Variants in PIEZO2 observed in about 807,000 individuals in gnomAD.
PIEZO2 encodes piezo-type mechanosensitive ion channel component 2.
Under a neutral mutation model 337.3 loss-of-function variants are expected in PIEZO2, and 172 were observed. The observed-to-expected ratio is 0.51, with a 90% confidence interval of 0.45 to 0.58. The LOEUF (loss-of-function observed/expected upper bound fraction) is 0.58. Ranked by LOEUF, PIEZO2 falls within the 20% of genes least tolerant of loss-of-function variation. The probability of loss-of-function intolerance (pLI) is 0.00; values close to 1 mark genes in which losing one functional copy is unlikely to be tolerated. For missense variants in PIEZO2, 3,028 were observed against 3,391.3 expected (o/e 0.89, Z 2.66); for synonymous variants, 1,251 against 1,228.5 (o/e 1.02, Z -0.38).
In PIEZO2 at chr18:10,979,129, C is replaced by G. The variant is rs188658227; in HGVS notation, c.286+406G>C. ...TTGTTCTTTGTAATAGGATTAATGT[C>G]ATAGTCATGTAATTTCATATAATAT... On this transcript the variant is annotated intron_variant, in intron 3 of 55. Coordinates refer to ENST00000674853, the MANE Select transcript of PIEZO2 (RefSeq NM_001378183.1). This position sits in a 1 kb window ranked among gnomAD's most constrained non-coding sequence, Gnocchi z 4.0. Among the ~76,000 whole-genome samples, 6 of 151,728 alleles carry G rather than the reference C, an allele frequency of 4.0e-5. No homozygotes were observed. Among genetic ancestry groups the G allele is most frequent in the Admixed American group, 3.3e-4 (5 of 15,230 alleles).
Position 10,820,584 on chromosome 18 carries a change from T to G in PIEZO2, c.918-13310A>C, listed in dbSNP as rs139840959. Among the ~76,000 whole-genome samples, 253 of 152,338 alleles carry G rather than the reference T, an allele frequency of 1.7e-3. 2 individuals carry two copies. The highest frequency in any genetic ancestry group is 5.7e-3 in the African/African-American group (238 of 41,582). ...TCATTATGTCCATTTTCTGTAATCTTGAAAATATTTTAAAAAGCTGTTTTA... is the reference window on the plus strand; with the variant it reads ...TCATTATGTCCATTTTCTGTAATCTGGAAAATATTTTAAAAAGCTGTTTTA... On this transcript the variant is annotated intron_variant, in intron 7 of 55. Transcript: ENST00000674853.
At chr18:10,675,577 T>G (rs1482732134) in intron 53 of PIEZO2, among the ~76,000 whole-genome samples, 3 of 152,258 alleles carry the variant, frequency 2.0e-5, no homozygotes, top group Non-Finnish European at 4.4e-5. Flanking sequence ...AGCTTGTTTC[T>G]GAAGCCAAGG....
At chr18:10,995,917 A>G (rs1211013473) in intron 2 of PIEZO2, among the ~76,000 whole-genome samples, 1 of 152,170 alleles carries the variant, frequency 6.6e-6, no homozygotes, top group Non-Finnish European at 1.5e-5. Flanking sequence ...CTCAGGAAAA[A>G]CATGTGATTG....
intron 3 of PIEZO2, among the ~76,000 whole-genome samples, chr18:10,921,678 C>A (rs1323691678): frequency 6.6e-6 from 1 of 152,124 alleles, no homozygotes; most frequent in African/African-American, 2.4e-5. Flanking sequence ...TGAGAGAGAT[C>A]ACCTTAAACT....
At chr18:10,772,052 T>A (rs552063734) in intron 20 of PIEZO2, among the ~76,000 whole-genome samples, 26 of 152,322 alleles carry the variant, frequency 1.7e-4, no homozygotes, top group African/African-American at 5.8e-4. Flanking sequence ...ATTCTCAATT[T>A]TATTAATAAC....
rs951945612 is a variant in PIEZO2, at chr18:10,715,022, C to T, written c.5257-92G>A. 9 of 1,270,688 alleles carry T rather than the reference C, an allele frequency of 7.1e-6. No homozygotes were observed. The Middle Eastern group carries it at 6.0e-4, about 84-fold the overall frequency. The allele number at this position is 1,270,688 out of a possible 1,614,324, so 78.7% of individuals were successfully genotyped here. On this transcript the variant is annotated intron_variant, in intron 38 of 55. Coordinates refer to ENST00000674853, the MANE Select transcript of PIEZO2 (RefSeq NM_001378183.1). ...CTCAACACAGACAGCTTTTCATACCCATGCATGCCTGGATAAGGATTAGGA... is the reference window on the plus strand; with the variant it reads ...CTCAACACAGACAGCTTTTCATACCTATGCATGCCTGGATAAGGATTAGGA...
chr18:10,697,202 G>C (rs1424172319), intron 45 of PIEZO2, among the ~76,000 whole-genome samples: 1 of 152,068 alleles, frequency 6.6e-6, no homozygotes, highest in African/African-American at 2.4e-5. Context: ...TCAGTTCAAC[G>C]CCACGTTCAG....
In PIEZO2 at chr18:10,775,331, G is replaced by T. The variant is rs2038746193; in HGVS notation, c.2535-1293C>A. Among the ~76,000 whole-genome samples, 1 of 152,118 alleles carries T rather than the reference G, an allele frequency of 6.6e-6. No homozygotes were observed. The highest frequency in any genetic ancestry group is 6.5e-5 in the Admixed American group (1 of 15,290). The stretch of plus-strand genomic sequence containing the variant: ...ACATTTGCTGTTCCTGCTTTGTCAG[G>T]ACTCTCCATGTGAAATGTTATTAAA... On this transcript the variant is annotated intron_variant, in intron 18 of 55. Coordinates refer to ENST00000674853, the MANE Select transcript of PIEZO2 (RefSeq NM_001378183.1). The surrounding 1 kb of genome is among the most constrained non-coding windows in gnomAD (Gnocchi z 4.3).
intron 3 of PIEZO2, among the ~76,000 whole-genome samples, chr18:10,919,308 C>T (rs867132984): frequency 1.4e-4 from 21 of 152,086 alleles, no homozygotes; most frequent in Admixed American, 1.4e-3. Context: ...ATTTCATATA[C>T]TAACTTCCCC....
intron 2 of PIEZO2, among the ~76,000 whole-genome samples, chr18:11,022,431 A>G (rs1029283402): frequency 6.6e-6 from 1 of 152,252 alleles, no homozygotes; most frequent in Non-Finnish European, 1.5e-5. Flanking sequence ...GGGAGGCTTC[A>G]GAAACAGACA....
At position 10,878,630 on chromosome 18, in the gene PIEZO2, T is replaced by A. The variant is rs1310265110; in HGVS notation, c.330-7215A>T. On this transcript the variant is annotated intron_variant, in intron 4 of 55. Transcript: ENST00000674853. This position sits in a 1 kb window ranked among gnomAD's most constrained non-coding sequence, Gnocchi z 4.3. ...CATTAAATGGCTCAATTTGACAGAA[T>A]TTTTAATTCACTAATTCAAAAAAAT... is the stretch of plus-strand genomic sequence containing the variant. Among the ~76,000 whole-genome samples the A allele has an allele frequency of 6.6e-6, 1 of 152,198 alleles. No homozygotes were observed. Among genetic ancestry groups the A allele is most frequent in the African/African-American group, 2.4e-5 (1 of 41,464 alleles).
chr18:10,975,717 G>T (rs2034416588), intron 3 of PIEZO2, among the ~76,000 whole-genome samples: 1 of 152,172 alleles, frequency 6.6e-6, no homozygotes, highest in Admixed American at 6.5e-5. Flanking sequence ...GGGACCTTTT[G>T]CGATAATGAG....
At chr18:11,004,738 A>G (rs2035661375) in intron 2 of PIEZO2, among the ~76,000 whole-genome samples, 1 of 152,218 alleles carries the variant, frequency 6.6e-6, no homozygotes, top group African/African-American at 2.4e-5. Flanking sequence ...TCAAAGGAGG[A>G]AAAAAGCATC....
Position 10,778,374 on chromosome 18 carries a change from C to T in PIEZO2, c.2534+1951G>A, listed in dbSNP as rs1598467145. Among the ~76,000 whole-genome samples, 3 of 147,538 alleles carry T rather than the reference C, an allele frequency of 2.0e-5. 1 individual carries two copies. The South Asian group carries it at 6.4e-4, about 32-fold the overall frequency. On this transcript the variant is annotated intron_variant, in intron 18 of 55. Transcript: ENST00000674853. ...TTTTGAGAGGGAGTCGCTCTGTCGC[C>T]CAGGCTGGAGTGCAGTGGCACCATC...
chr18:11,105,796 G>A lies in PIEZO2; in HGVS notation c.65-39574C>T, dbSNP rs1040601561. 2.6e-5 allele frequency among the ~76,000 whole-genome samples: 4 copies of A among 152,184 alleles called. No individual in the cohort carries two copies. The highest frequency in any genetic ancestry group is 1.9e-4 in the East Asian group (1 of 5,156). On this transcript the variant is annotated intron_variant, in intron 1 of 55. Transcript: ENST00000674853. This position sits in a 1 kb window ranked among gnomAD's most constrained non-coding sequence, Gnocchi z 4.3. ...TATTATAAAAGATAAGCAAAATTACGTTGGACAACAACCAGCAGCACATTT... is the reference window on the plus strand; with the variant it reads ...TATTATAAAAGATAAGCAAAATTACATTGGACAACAACCAGCAGCACATTT...
In PIEZO2 at chr18:10,993,042, T is replaced by C. The variant is rs2035169462; in HGVS notation, c.161-13382A>G. Among the ~76,000 whole-genome samples the C allele has an allele frequency of 6.6e-6, 1 of 152,214 alleles. No homozygotes were observed. Among genetic ancestry groups the C allele is most frequent in the South Asian group, 2.1e-4 (1 of 4,834 alleles). ...TGGCTGTTTGTCTGTTATTGGTGTA[T>C]AGGAATGCTTGTGATTTTTGCACAT... On this transcript the variant is annotated intron_variant, in intron 2 of 55. Transcript: ENST00000674853. The surrounding 1 kb of genome is among the most constrained non-coding windows in gnomAD (Gnocchi z 5.0).
intron 37 of PIEZO2, among the ~76,000 whole-genome samples, 158 bp from the exon 38 acceptor site, chr18:10,715,974 C>T (rs757430079): frequency 2.6e-5 from 4 of 152,292 alleles, no homozygotes; most frequent in Non-Finnish European, 5.9e-5. Flanking sequence ...CGGAGGAGAG[C>T]TGCCATGCAG....
At chr18:10,871,501 C>T in intron 4 of PIEZO2, 86 bp from the exon 5 acceptor site, 1 of 1,261,018 alleles carries the variant, frequency 7.9e-7, no homozygotes, top group Non-Finnish European at 1.1e-6. Context: ...TTTTGGTCTT[C>T]TTAATGATTT....
intron 7 of PIEZO2, among the ~76,000 whole-genome samples, chr18:10,827,321 A>G (rs1263976913): frequency 6.6e-6 from 1 of 152,030 alleles, no homozygotes; most frequent in Non-Finnish European, 1.5e-5. Context: ...TTTTCTTTCT[A>G]TGTTCACACC....
Sources: gnomAD v4.1 joint callset for allele counts (sites outside exome capture counted in the v4.1 genomes callset) on GRCh38, gnomAD v4.1.1 for gene constraint, Gnocchi (gnomAD v3.1) non-coding constraint, MANE v1.5 for transcripts, NCBI Gene and HGNC (gene_info 2026-07-23, HGNC 2026-07-21) for gene names.